The following GRM7 variants were observed in gnomAD, a reference collection of about 807,000 sequenced individuals.
GRM7 encodes the protein metabotropic glutamate receptor 7.
A neutral mutation model predicts 84.5 loss-of-function variants in GRM7; 35 were observed. The ratio of observed to expected loss-of-function variants is 0.41; its 90% confidence interval spans 0.32 to 0.55. GRM7 has a LOEUF of 0.55. GRM7 is among the 20% of genes least tolerant of loss of function. GRM7 has a pLI of 0.19. For synonymous variants in GRM7, 487 were observed against 455.1 expected (o/e 1.07, Z -0.89); for missense variants, 1,003 against 1,194.6 (o/e 0.84, Z 2.36).
In GRM7 at chr3:7,211,652, C is replaced by CCAAAAAAA. The variant is rs1553632407; in HGVS notation, c.736+64984_736+64985insCAAAAAAA. On this transcript the variant is annotated intron_variant, in intron 2 of 9. Transcript: ENST00000357716. Reference sequence around the variant, plus strand: ...AAAATTAGCTTTCTGTTCTCCCAACCAAAAAAAAAAAAAAAATCACACTGA... The same window carrying CCAAAAAAA: ...AAAATTAGCTTTCTGTTCTCCCAACCCAAAAAAAAAAAAAAAAAAAAAAATCACACTGA... 2.2e-3 allele frequency among the ~76,000 whole-genome samples: 266 copies of CCAAAAAAA among 122,656 alleles called. 3 individuals are homozygous for CCAAAAAAA. The East Asian group carries it at 0.028, about 13-fold the overall frequency. 80.5% of individuals were successfully genotyped at this position (122,656 alleles called of 152,430 possible).
chr3:7,679,917 C>T (rs1700295187), intron 8 of GRM7, 132 bp from the exon 9 acceptor site: 1 of 767,976 alleles, frequency 1.3e-6, no homozygotes, highest in East Asian at 2.6e-5. Context: ...TTGTGCTTTC[C>T]TTTATTTATC....
intron 6 of GRM7, among the ~76,000 whole-genome samples, chr3:7,456,448 T>TC (rs1553601309): frequency 1.1e-5 from 1 of 90,770 alleles, no homozygotes; most frequent in South Asian, 3.6e-4. Context: ...TATTTTTTTT[T>TC]CCTTTTTTTT....
chr3:7,414,871 T>A (rs712773), intron 4 of GRM7, 152 bp from the exon 5 acceptor site: 3 of 552,380 alleles, frequency 5.4e-6, no homozygotes, highest in South Asian at 5.3e-5. Flanking sequence ...TAGAATATTT[T>A]TCCTCCTTCT....
chr3:7,372,831 G>T (rs540130807), intron 4 of GRM7, among the ~76,000 whole-genome samples: 1 of 152,106 alleles, frequency 6.6e-6, no homozygotes, highest in African/African-American at 2.4e-5. Context: ...GAGAAAGGGG[G>T]TAAGGAAAGA....
intron 8 of GRM7, among the ~76,000 whole-genome samples, chr3:7,650,719 TTTTA>T (rs1444460325): frequency 3.9e-5 from 6 of 152,146 alleles, no homozygotes; most frequent in Non-Finnish European, 7.4e-5. Context: ...AATATTTTGC[TTTTA>T]TTTATTTATT....
chr3:7,655,628 T>TAGAG (rs1433642666), intron 8 of GRM7, among the ~76,000 whole-genome samples: 1 of 152,162 alleles, frequency 6.6e-6, no homozygotes, highest in Non-Finnish European at 1.5e-5. Flanking sequence ...GCATTGCCCA[T>TAGAG]AGAGAGGGAT....
intron 5 of GRM7, among the ~76,000 whole-genome samples, chr3:7,445,880 T>C (rs940590831): frequency 6.6e-6 from 1 of 152,150 alleles, no homozygotes; most frequent in Non-Finnish European, 1.5e-5. Flanking sequence ...TGGGTTACTG[T>C]AGCACTTTCA....
intron 4 of GRM7, among the ~76,000 whole-genome samples, chr3:7,312,210 G>C (rs1700422800): frequency 6.6e-6 from 1 of 152,142 alleles, no homozygotes; most frequent in East Asian, 1.9e-4. Flanking sequence ...GCGATGCCCT[G>C]TCCCTTACTT....
chr3:7,153,070 C>T (rs1694334790), intron 2 of GRM7, among the ~76,000 whole-genome samples: 1 of 150,458 alleles, frequency 6.6e-6, no homozygotes, highest in South Asian at 2.1e-4. Context: ...TGCAGTAGAA[C>T]AATCTCCAGC....
chr3:7,287,009 C>A (rs1285470899), intron 2 of GRM7, among the ~76,000 whole-genome samples: 1 of 152,198 alleles, frequency 6.6e-6, no homozygotes, highest in South Asian at 2.1e-4. Context: ...ATTACTTGGG[C>A]GATGGCTGGA....
At chr3:7,078,985 G>C (rs992796730) in intron 1 of GRM7, among the ~76,000 whole-genome samples, 1 of 151,794 alleles carries the variant, frequency 6.6e-6, no homozygotes, top group African/African-American at 2.4e-5. Flanking sequence ...TTGTTTTAAA[G>C]ACCTAAGCCA....
chr3:7,646,122 C>T (rs1178369988), intron 8 of GRM7, among the ~76,000 whole-genome samples: 4 of 152,152 alleles, frequency 2.6e-5, no homozygotes, highest in Admixed American at 6.5e-5. Context: ...TGCACCATGG[C>T]GGTCACGCCG....
chr3:7,411,897 C>T (rs533537401), intron 4 of GRM7, among the ~76,000 whole-genome samples: 3 of 151,998 alleles, frequency 2.0e-5, no homozygotes, highest in South Asian at 4.2e-4. Flanking sequence ...AATTTTTGTA[C>T]TTATTTGCAC....
chr3:7,585,394 A>G (rs542702391), intron 8 of GRM7, among the ~76,000 whole-genome samples: 1 of 152,264 alleles, frequency 6.6e-6, no homozygotes, highest in South Asian at 2.1e-4. Flanking sequence ...CTAATTTCAT[A>G]TGCAGTCACC....
In GRM7 at chr3:7,401,546, C is replaced by T. The variant is rs572661435; in HGVS notation, c.1034-13477C>T. Among the ~76,000 whole-genome samples, 14 of 152,004 alleles carry T rather than the reference C, an allele frequency of 9.2e-5. 1 individual carries two copies. The highest frequency in any genetic ancestry group is 6.8e-3 in the Middle Eastern group (2 of 292). On this transcript the variant is annotated intron_variant, in intron 4 of 9. Transcript: ENST00000357716. ...GATTTCTGTGTCTGAACCAATCTGG[C>T]GGCAGATTGAAGTTATATTTCTGCA...
At chr3:7,469,255 T>G (rs961791966) in intron 7 of GRM7, among the ~76,000 whole-genome samples, 1 of 152,218 alleles carries the variant, frequency 6.6e-6, no homozygotes, top group Non-Finnish European at 1.5e-5. Flanking sequence ...AGGGATTCAT[T>G]TGAGAACTTG....
chr3:7,226,630 T>G (rs1371257686), intron 2 of GRM7, among the ~76,000 whole-genome samples: 1 of 152,178 alleles, frequency 6.6e-6, no homozygotes, highest in African/African-American at 2.4e-5. Context: ...TATACTATGG[T>G]GGGACTTACA....
intron 1 of GRM7, among the ~76,000 whole-genome samples, chr3:6,933,412 A>G (rs1697577956): frequency 6.6e-6 from 1 of 152,200 alleles, no homozygotes; most frequent in South Asian, 2.1e-4. Context: ...CATCATGTAT[A>G]CATAGAAGCA....
intron 4 of GRM7, among the ~76,000 whole-genome samples, chr3:7,355,349 G>A (rs1693347908): frequency 6.6e-6 from 1 of 152,146 alleles, no homozygotes; most frequent in East Asian, 1.9e-4. Context: ...GTGGGGCCCA[G>A]AACAGAAAAA....
Sources: allele counts gnomAD v4.1 joint callset (sites outside exome capture counted in the v4.1 genomes callset), GRCh38; gene constraint gnomAD v4.1.1; transcripts MANE v1.5; gene names NCBI Gene and HGNC (gene_info 2026-07-23, HGNC 2026-07-21).